BRF1: variants seen among roughly 807,000 people sequenced by gnomAD.
The protein encoded by BRF1 is transcription factor IIIB 90 kDa subunit.
A neutral mutation model predicts 81.7 loss-of-function variants in BRF1; 59 were observed. That is an observed-to-expected ratio of 0.72 (90% CI 0.59 to 0.90). The LOEUF (loss-of-function observed/expected upper bound fraction) is 0.90, where lower values mean the gene tolerates loss of function less well. BRF1 is among the 40% of genes least tolerant of loss of function. The pLI is 0.00. For missense variants in BRF1, 1,050 were observed against 936.3 expected, an observed-to-expected ratio of 1.12 and a Z score of -1.58; for synonymous variants, 491 against 395.6, an observed-to-expected ratio of 1.24 and a Z score of -2.86.
chr14:105,222,503 C>G (rs955069681), intron 10 of BRF1: 2 of 152,368 alleles, frequency 1.3e-5, no homozygotes, highest in Non-Finnish European at 2.9e-5. Context: ...CCACCCCAAG[C>G]TCCTCCTTCA....
Position 105,229,627 on chromosome 14 carries a change from G to C in BRF1, c.695-714C>G, listed in dbSNP as rs117595811. Among the ~76,000 whole-genome samples, 6 of 151,262 alleles carry C rather than the reference G, an allele frequency of 4.0e-5. No homozygotes were observed. The East Asian group carries it at 7.7e-4, about 20-fold the overall frequency. On this transcript the variant is annotated intron_variant, in intron 6 of 17. Coordinates refer to ENST00000547530, the MANE Select transcript of BRF1 (RefSeq NM_001519.4). ...GGGTCACAGAGGTCCAACTAGAACA[G>C]TCGCCCAGCTGGGGGCGGGGGACAG... is the stretch of plus-strand genomic sequence containing the variant.
intron 12 of BRF1, 181 bp downstream of exon 12, chr14:105,219,888 G>A: frequency 1.5e-6 from 1 of 684,774 alleles, no homozygotes; most frequent in African/African-American, 1.8e-5. Context: ...AGCCGACACT[G>A]GAGAAGAGAG....
intron 3 of BRF1, among the ~76,000 whole-genome samples, chr14:105,266,367 G>T (rs2816620): frequency 0.22 from 32,946 of 152,012 alleles, 4,042 homozygotes; most frequent in Middle Eastern, 0.27. Context: ...GAGCTAGGGT[G>T]GTGCCACAGT....
intron 5 of BRF1, chr14:105,246,933 C>G: frequency 1.0e-6 from 1 of 985,450 alleles, no homozygotes; most frequent in South Asian, 4.7e-5. Flanking sequence ...TTGTGTGCTG[C>G]TGTAAGTTAT....
intron 15 of BRF1, among the ~76,000 whole-genome samples, chr14:105,215,776 CTGCACACACACACA>C (rs1891090439): frequency 7.6e-6 from 1 of 131,290 alleles, no homozygotes; most frequent in African/African-American, 3.0e-5. Flanking sequence ...TGCACACACA[CTGCACACACACACA>C]TGCACACACA....
At chr14:105,217,497 C>T (rs755401604) in intron 15 of BRF1, 47 bp downstream of exon 15, 38 of 1,588,306 alleles carry the variant, frequency 2.4e-5, no homozygotes, top group Middle Eastern at 1.7e-4. Context: ...GGCCTCTGCC[C>T]GCCCTGGGCT....
At chr14:105,256,129 A>C in intron 4 of BRF1, 1 of 1,355,112 alleles carries the variant, frequency 7.4e-7, no homozygotes, top group Non-Finnish European at 9.7e-7. Flanking sequence ...CATCTCATAA[A>C]TAAATAAATA....
chr14:105,241,362 C>G lies in BRF1; in HGVS notation c.597G>C (p.Lys199Asn), dbSNP rs2054621087. ...GGGCAGTCATGGACACCTCGTGGTTCTTCTCCCCGAATTCCAGCAGGTGCG... is the reference window on the plus strand; with the variant it reads ...GGGCAGTCATGGACACCTCGTGGTTGTTCTCCCCGAATTCCAGCAGGTGCG... ...RFAHLLEFGE[K>N]NHEVSMTALR... The change falls in exon 6 of 18, where the codon AAG becomes AAC. Residue 199 changes from lysine (K) to asparagine (N), a missense_variant. Physicochemically the swap from Lys to Asn is moderately conservative, Grantham distance 94. Transcript: ENST00000547530. 3.7e-6 allele frequency: 6 copies of G among 1,612,682 alleles called. No homozygotes were observed. The highest frequency in any genetic ancestry group is 1.1e-5 in the South Asian group (1 of 91,096).
At position 105,270,745 on chromosome 14, in the gene BRF1, A is replaced by G. The variant is rs111433632; in HGVS notation, c.439+1976T>C. 2.1e-3 allele frequency among the ~76,000 whole-genome samples: 325 copies of G among 151,910 alleles called. 3 individuals are homozygous for G. The highest frequency in any genetic ancestry group is 7.5e-3 in the African/African-American group (309 of 41,440). ...GGCAGAGGTTGCAGTAAGCTGAGAT[A>G]CTACCACTGCACTCCAGCCTGGGTG... On this transcript the variant is annotated intron_variant, in intron 3 of 17. Coordinates refer to ENST00000547530, the MANE Select transcript of BRF1 (RefSeq NM_001519.4).
At chr14:105,310,269 G>A (rs892151757) in intron 1 of BRF1, among the ~76,000 whole-genome samples, 2 of 150,650 alleles carry the variant, frequency 1.3e-5, no homozygotes, top group African/African-American at 4.9e-5. Flanking sequence ...AGTGGCTCAC[G>A]CCTGTAATCC....
At chr14:105,285,948 T>C (rs587727824) in intron 2 of BRF1, among the ~76,000 whole-genome samples, 1 of 152,254 alleles carries the variant, frequency 6.6e-6, no homozygotes, top group Admixed American at 6.5e-5. Context: ...CTCCAGTTTG[T>C]GGTGAACTGG....
At chr14:105,273,287 C>T (rs1378847442) in intron 2 of BRF1, among the ~76,000 whole-genome samples, 1 of 152,144 alleles carries the variant, frequency 6.6e-6, no homozygotes, top group African/African-American at 2.4e-5. Context: ...AGCCACATGC[C>T]CCAGCGCCAC....
intron 1 of BRF1, among the ~76,000 whole-genome samples, chr14:105,287,686 C>G (rs943520090): frequency 3.3e-5 from 5 of 152,202 alleles, no homozygotes; most frequent in African/African-American, 1.2e-4. Context: ...CCAGCACAGA[C>G]AAGGCAGAAC....
rs61740092 is a variant in BRF1 at position 105,250,214 on chromosome 14, G to A, written c.544+2293C>T. 7.4e-6 allele frequency: 12 copies of A among 1,612,908 alleles called. No individual in the cohort carries two copies. In the South Asian group the frequency reaches 9.9e-5, roughly 13 times the overall value. ...TCCCCTGACCAAGAGGAAGGGCCTC[G>A]CCCCGCAGAGGTGCCACCGATTCCA... On this transcript the variant is annotated intron_variant, in intron 5 of 17. Transcript: ENST00000547530.
chr14:105,265,054 G>GT (rs587673120), intron 3 of BRF1, among the ~76,000 whole-genome samples: 16,967 of 127,400 alleles, frequency 0.13, 1,969 homozygotes, highest in Non-Finnish European at 0.19. Flanking sequence ...CCTTTTTTTT[G>GT]TTTTTTTTTT....
rs1187388295 is a variant in BRF1, at chr14:105,215,592, GCA to G, written c.1772+1950_1772+1951del. Among the ~76,000 whole-genome samples the G allele has an allele frequency of 3.9e-4, 45 of 115,740 alleles. 1 individual carries two copies. The highest frequency in any genetic ancestry group is 1.8e-3 in the Admixed American group (21 of 11,670). The allele number at this position is 115,740 out of a possible 152,430, so 75.9% of individuals were successfully genotyped here. On this transcript the variant is annotated intron_variant, in intron 15 of 17. Coordinates refer to ENST00000547530, the MANE Select transcript of BRF1 (RefSeq NM_001519.4). ...ACACTGCAGGCACACAGACACAGGC[GCA>G]CACACACTGCATACACAGAAACAGG...
At chr14:105,265,549 T>G (rs2056372933) in intron 3 of BRF1, among the ~76,000 whole-genome samples, 1 of 151,906 alleles carries the variant, frequency 6.6e-6, no homozygotes, top group South Asian at 2.1e-4. Flanking sequence ...GTCAGGAGTT[T>G]GAGACCAGCC....
intron 3 of BRF1, among the ~76,000 whole-genome samples, chr14:105,270,560 G>A (rs1455574781): frequency 2.6e-5 from 4 of 151,916 alleles, no homozygotes; most frequent in East Asian, 2.0e-4. Flanking sequence ...AGGCCAGGGC[G>A]GGTGGATCAC....
chr14:105,300,010 G>A (rs1485192702), intron 1 of BRF1, among the ~76,000 whole-genome samples: 2 of 152,204 alleles, frequency 1.3e-5, no homozygotes, highest in African/African-American at 4.8e-5. Flanking sequence ...TCACTGAAAC[G>A]TCCCCTCCGA....
Sources: allele counts gnomAD v4.1 joint callset (sites outside exome capture counted in the v4.1 genomes callset), GRCh38; gene constraint gnomAD v4.1.1; transcripts MANE v1.5; gene names NCBI Gene and HGNC (gene_info 2026-07-23, HGNC 2026-07-21).